TTC28: variants seen among roughly 807,000 people sequenced by gnomAD.
TTC28 encodes tetratricopeptide repeat domain 28, also known as tetratricopeptide repeat protein 28.
TTC28 carries 61 observed loss-of-function variants against 198.0 expected under a neutral mutation model. The observed-to-expected ratio is 0.31, with a 90% CI of 0.25 to 0.38. The LOEUF (loss-of-function observed/expected upper bound fraction) is 0.38. Among genes scored for constraint, TTC28 ranks in the 10% least tolerant of loss-of-function variants. The pLI is 1.00. For missense variants in TTC28, 2,678 were observed against 3,164.0 expected (o/e 0.85, Z 3.69); for synonymous variants, 1,171 against 1,297.8 (o/e 0.90, Z 2.10).
intron 3 of TTC28, among the ~76,000 whole-genome samples, chr22:28,299,719 CT>C (rs1340103373): frequency 6.6e-6 from 1 of 152,114 alleles, no homozygotes. Flanking sequence ...GTTGAAAAGA[CT>C]TTTAAAATAT....
rs569258199 is a variant in TTC28, at chr22:28,573,694, T to C, written c.381+55858A>G. On this transcript the variant is annotated intron_variant, in intron 2 of 22. Transcript: ENST00000397906. ...TCAAGCATGTATCCTTTCTTTGTGT[T>C]ACAAACAATCTAATTATATTCTTTT... Among the ~76,000 whole-genome samples, 12 of 152,290 alleles carry C rather than the reference T, an allele frequency of 7.9e-5. 1 individual carries two copies. Among genetic ancestry groups the C allele is most frequent in the African/African-American group, 2.9e-4 (12 of 41,576 alleles).
chr22:28,168,187 C>G (rs1187042404), intron 5 of TTC28, among the ~76,000 whole-genome samples: 1 of 152,106 alleles, frequency 6.6e-6, no homozygotes, highest in Non-Finnish European at 1.5e-5. Flanking sequence ...CAACCAAATG[C>G]AAGAACATTC....
At chr22:28,234,149 G>T (rs370712741) in intron 5 of TTC28, among the ~76,000 whole-genome samples, 3 of 151,694 alleles carry the variant, frequency 2.0e-5, no homozygotes, top group Admixed American at 6.6e-5. Flanking sequence ...CTCGTGATCC[G>T]CCGGCCTCGG....
chr22:28,538,252 T>C (rs2049336039), intron 2 of TTC28, among the ~76,000 whole-genome samples: 1 of 151,944 alleles, frequency 6.6e-6, no homozygotes, highest in African/African-American at 2.4e-5. Flanking sequence ...GCCTGGCTAA[T>C]TTTTTTTATA....
At chr22:28,570,168 A>C (rs902927168) in intron 2 of TTC28, among the ~76,000 whole-genome samples, 1 of 152,216 alleles carries the variant, frequency 6.6e-6, no homozygotes, top group Non-Finnish European at 1.5e-5. Context: ...CAAATAACTT[A>C]AAATAGAACT....
At chr22:28,058,556 A>G (rs1940386662) in intron 12 of TTC28, among the ~76,000 whole-genome samples, 1 of 152,070 alleles carries the variant, frequency 6.6e-6, no homozygotes, top group Non-Finnish European at 1.5e-5. Flanking sequence ...ACCTATATGC[A>G]TGAGTAATTT....
rs372876919 is a variant in TTC28 at position 27,983,815 on chromosome 22, C to T, written c.5852G>A (p.Ser1951Asn). ...AGCAAGAGACTCGAGGGAGGAGGAG[C>T]TGTCAAGGCTGAGGCGCTTGGGTAG... ...TELPKRLSLD[S>N]SSSLESLASA... The change falls in exon 23 of 23, where the codon AGC becomes AAC. Residue 1951 changes from serine to asparagine, a missense_variant. Around this residue, in one of 8 missense-constraint regions of TTC28, gnomAD observed 314 missense variants for 442.7 expected, o/e 0.71. Transcript: ENST00000397906. The T allele has an allele frequency of 2.1e-5, 33 of 1,551,554 alleles. No homozygotes were observed. The highest frequency in any genetic ancestry group is 2.7e-5 in the Non-Finnish European group (31 of 1,146,998).
intron 5 of TTC28, among the ~76,000 whole-genome samples, chr22:28,215,610 GTGTGTGTGTGTA>G (rs1448943944): frequency 2.0e-5 from 3 of 151,852 alleles, no homozygotes; most frequent in Admixed American, 1.3e-4. Context: ...TGCACACATG[GTGTGTGTGTGTA>G]TGTGTGTGTG....
At chr22:28,015,938 C>T (rs1938355341) in intron 13 of TTC28, among the ~76,000 whole-genome samples, 1 of 151,818 alleles carries the variant, frequency 6.6e-6, no homozygotes, top group Non-Finnish European at 1.5e-5. Context: ...AGACCAGGAG[C>T]TGTGACATCA....
chr22:28,305,750 C>G (rs753183584), intron 3 of TTC28, among the ~76,000 whole-genome samples: 1 of 152,142 alleles, frequency 6.6e-6, no homozygotes, highest in Non-Finnish European at 1.5e-5. Flanking sequence ...CCAAAGATAG[C>G]AATTGCTATA....
chr22:28,226,225 T>C (rs1489590477), intron 5 of TTC28, among the ~76,000 whole-genome samples: 2 of 152,232 alleles, frequency 1.3e-5, no homozygotes, highest in Non-Finnish European at 2.9e-5. Context: ...CAAACTGTTT[T>C]CCAAAGTGGT....
At chr22:28,363,559 A>G (rs1417801491) in intron 2 of TTC28, among the ~76,000 whole-genome samples, 4 of 152,174 alleles carry the variant, frequency 2.6e-5, no homozygotes, top group Non-Finnish European at 4.4e-5. Context: ...AGAGGGCCAC[A>G]GTCCTCCAGA....
intron 2 of TTC28, among the ~76,000 whole-genome samples, chr22:28,333,419 T>C (rs2045648334): frequency 6.6e-6 from 1 of 152,078 alleles, no homozygotes; most frequent in African/African-American, 2.4e-5. Context: ...GAGACATCAG[T>C]ATCCACTCAA....
At chr22:27,985,379 C>T (rs764083731) in intron 21 of TTC28, 23 bp from the exon 22 acceptor site, 1 of 1,523,794 alleles carries the variant, frequency 6.6e-7, no homozygotes, top group South Asian at 1.2e-5. Context: ...AGAATATAAG[C>T]ATCTGCTTCC....
intron 1 of TTC28, among the ~76,000 whole-genome samples, chr22:28,643,894 ACT>A: frequency 6.6e-6 from 1 of 152,236 alleles, no homozygotes; most frequent in Non-Finnish European, 1.5e-5. Context: ...TCTTCACAAA[ACT>A]CTATAAGATA....
At chr22:28,617,729 C>T (rs773717377) in intron 2 of TTC28, among the ~76,000 whole-genome samples, 107 of 152,124 alleles carry the variant, frequency 7.0e-4, no homozygotes, top group Non-Finnish European at 1.3e-3. Context: ...CATTCTCTTA[C>T]GGTTCTTGGA....
At chr22:28,199,089 A>T (rs1925648905) in intron 5 of TTC28, among the ~76,000 whole-genome samples, 1 of 152,074 alleles carries the variant, frequency 6.6e-6, no homozygotes, top group Admixed American at 6.6e-5. Flanking sequence ...CTTTAAAAGC[A>T]TATTTCTAGA....
chr22:28,417,337 T>G (rs1231820941), intron 2 of TTC28, among the ~76,000 whole-genome samples: 3 of 139,542 alleles, frequency 2.1e-5, no homozygotes, highest in Admixed American at 7.4e-5. Context: ...AGGACAGGTG[T>G]GATGATGCAC....
intron 6 of TTC28, among the ~76,000 whole-genome samples, chr22:28,131,009 T>C (rs1375025594): frequency 6.6e-6 from 1 of 152,230 alleles, no homozygotes. Context: ...CAAGCCCTTC[T>C]GTCATGAGGT....
Sources: gnomAD v4.1 joint callset for allele counts (sites outside exome capture counted in the v4.1 genomes callset) on GRCh38, gnomAD v4.1.1 for gene constraint, gnomAD v4.1.1 regional missense constraint, MANE v1.5 for transcripts, NCBI Gene and HGNC (gene_info 2026-07-23, HGNC 2026-07-21) for gene names.